FAP: variants seen among roughly 807,000 people sequenced by gnomAD.
FAP encodes prolyl endopeptidase FAP.
A neutral mutation model predicts 126.5 loss-of-function variants in FAP; 110 were observed. That is an observed-to-expected ratio of 0.87 (90% CI 0.74 to 1.02). The LOEUF is 1.02. Among genes scored for constraint, FAP ranks in the 50% least tolerant of loss-of-function variants. The probability of loss-of-function intolerance (pLI) is 0.00; values close to 1 mark genes in which losing one functional copy is unlikely to be tolerated. For missense variants in FAP, 919 were observed against 909.2 expected (o/e 1.01, Z -0.14); for synonymous variants, 334 against 297.3 (o/e 1.12, Z -1.27).
chr2:162,188,438 G>A, intron 19 of FAP, 75 bp from the exon 20 acceptor site: 1 of 1,253,670 alleles, frequency 8.0e-7, no homozygotes, highest in Non-Finnish European at 1.1e-6. Flanking sequence ...GCCAAGCATT[G>A]CTTCTAGTAA....
At chr2:162,175,435 C>A (rs1264802592) in intron 21 of FAP, 1 of 152,524 alleles carries the variant, frequency 6.6e-6, no homozygotes, top group Non-Finnish European at 1.5e-5. Flanking sequence ...TTTGTATTTA[C>A]TTATTTATTT....
chr2:162,188,729 GGT>G (rs1052366315), intron 19 of FAP, among the ~76,000 whole-genome samples: 1 of 151,788 alleles, frequency 6.6e-6, no homozygotes, highest in Non-Finnish European at 1.5e-5. Context: ...ACTGATTTTG[GGT>G]GTGATTCCAC....
Position 162,198,886 on chromosome 2 carries a change from A to G in FAP, c.1278-5T>C. 6.2e-7 allele frequency: 1 copy of G among 1,613,298 alleles called. No homozygotes were observed. The highest frequency in any genetic ancestry group is 8.5e-7 in the Non-Finnish European group (1 of 1,179,354). Reference sequence around the variant, plus strand: ...GGATAGCTTCCAATGCTAATTCTAGAGGGAAATGAAAATAAAACTAAGCTG... The same window carrying G: ...GGATAGCTTCCAATGCTAATTCTAGGGGGAAATGAAAATAAAACTAAGCTG... On this transcript the variant is annotated splice_polypyrimidine_tract_variant and splice_region_variant and intron_variant, in intron 15 of 25. Coordinates refer to ENST00000188790, the MANE Select transcript of FAP (RefSeq NM_004460.5).
intron 21 of FAP, among the ~76,000 whole-genome samples, chr2:162,178,771 G>A (rs937205293): frequency 1.3e-5 from 2 of 152,208 alleles, no homozygotes; most frequent in Non-Finnish European, 2.9e-5. Context: ...TGGGTGCGAT[G>A]TATTTCCCAA....
chr2:162,197,154 C>T (rs1280894863), intron 16 of FAP, among the ~76,000 whole-genome samples: 1 of 152,160 alleles, frequency 6.6e-6, no homozygotes, highest in Admixed American at 6.5e-5. Context: ...GCAAATGCAT[C>T]AGCATAAAAC....
At chr2:162,199,667 CA>C (rs11296349) in intron 15 of FAP, among the ~76,000 whole-genome samples, 10,084 of 152,306 alleles carry the variant, frequency 0.066, 1,128 homozygotes, top group African/African-American at 0.23. Flanking sequence ...TCTCCTGTGC[CA>C]ACCTGTGAGT....
At chr2:162,227,759 T>A (rs966308580) in intron 2 of FAP, among the ~76,000 whole-genome samples, 6 of 152,150 alleles carry the variant, frequency 3.9e-5, no homozygotes, top group African/African-American at 7.2e-5. Context: ...CTTGCTCCTC[T>A]CTCATTACTT....
chr2:162,187,420 T>G (rs1687900520), intron 20 of FAP, among the ~76,000 whole-genome samples: 1 of 152,060 alleles, frequency 6.6e-6, no homozygotes, highest in Non-Finnish European at 1.5e-5. Context: ...ATTCTTAGCT[T>G]CACCTATTCA....
In FAP at chr2:162,170,958, A is replaced by G. The variant is rs769463920; in HGVS notation, c.*21T>C. The G allele has an allele frequency of 6.3e-7, 1 of 1,580,338 alleles. No individual in the cohort carries two copies. The highest frequency in any genetic ancestry group is 2.2e-5 in the East Asian group (1 of 44,686). ...ATATAAGGTTTTCAGATTCTGATAC[A>G]GGCTTGCATCTGCATCGTTTTTAGT... is the stretch of plus-strand genomic sequence containing the variant. On this transcript the variant is annotated 3_prime_UTR_variant, in exon 26 of 26. Coordinates refer to ENST00000188790, the MANE Select transcript of FAP (RefSeq NM_004460.5).
chr2:162,204,375 C>G (rs181116146), intron 12 of FAP, among the ~76,000 whole-genome samples: 2 of 152,156 alleles, frequency 1.3e-5, no homozygotes, highest in African/African-American at 4.8e-5. Flanking sequence ...TTCATGTCCA[C>G]GTGGAGCCAC....
Position 162,188,232 on chromosome 2 carries a change from A to G in FAP, c.1751T>C (p.Leu584Pro), listed in dbSNP as rs200963309. 2 of 1,613,314 alleles carry G rather than the reference A, an allele frequency of 1.2e-6. No homozygotes were observed. The highest frequency in any genetic ancestry group is 1.7e-4 in the Middle Eastern group (1 of 6,060). Residue 584 changes from leucine (L) to proline (P), a missense_variant, in exon 20 of 26, where the codon CTC (leucine) becomes CCC (proline). By Grantham distance (98) the Leu-to-Pro change is moderately conservative (BLOSUM62 -3). Coordinates refer to ENST00000188790, the MANE Select transcript of FAP (RefSeq NM_004460.5). ...GRGTAFQGDK[L>P]LYAVYRKLGV... ...CAGCTTTCGATACACTGCATAGAGG[A>G]GTTTGTCACCTTGGAAAGCTGTTCC...
chr2:162,171,614 T>C (rs1180141826), intron 25 of FAP: 2 of 153,788 alleles, frequency 1.3e-5, no homozygotes, highest in Non-Finnish European at 2.9e-5. Flanking sequence ...GATAGTATTT[T>C]AACTTTAAAC....
At chr2:162,196,414 C>A (rs1184151500) in intron 16 of FAP, among the ~76,000 whole-genome samples, 1 of 151,492 alleles carries the variant, frequency 6.6e-6, no homozygotes, top group Non-Finnish European at 1.5e-5. Flanking sequence ...AGCCAGCATG[C>A]AAAGAAATGA....
At chr2:162,196,907 G>A (rs970899479) in intron 16 of FAP, among the ~76,000 whole-genome samples, 13 of 152,164 alleles carry the variant, frequency 8.5e-5, no homozygotes, top group African/African-American at 2.7e-4. Context: ...GTGAGTGGTG[G>A]AAAAGTCAGG....
At chr2:162,219,966 T>A (rs763175397) in intron 6 of FAP, 41 bp from the exon 7 acceptor site, 1 of 1,358,018 alleles carries the variant, frequency 7.4e-7, no homozygotes, top group South Asian at 1.2e-5. Flanking sequence ...AACCTTGCTG[T>A]TTAATGCAAA....
rs779549490 is a variant in FAP at position 162,209,984 on chromosome 2, T to C, written c.1015A>G (p.Ile339Val). 6.2e-7 allele frequency: 1 copy of C among 1,612,974 alleles called. No homozygotes were observed. ...TWDCPKTQEHIEESRTGWAGG... is the reference protein window; with the variant it reads ...TWDCPKTQEHVEESRTGWAGG... ...GCCCATCCAGTTCTGCTTTCTTCTA[T>C]ATGCTCCTGGGTCTAAAAGACAAAA... The change falls in exon 12 of 26, where the codon ATA (isoleucine) becomes GTA (valine). Residue 339 changes from isoleucine to valine, a missense_variant. By Grantham distance (29) the Ile-to-Val change is conservative. Transcript: ENST00000188790.
intron 2 of FAP, among the ~76,000 whole-genome samples, chr2:162,234,890 C>T (rs1464769738): frequency 6.6e-6 from 1 of 152,062 alleles, no homozygotes; most frequent in Non-Finnish European, 1.5e-5. Context: ...CGGGCTGCAC[C>T]CCACGCTTGC....
At chr2:162,234,058 A>T (rs1467430869) in intron 2 of FAP, among the ~76,000 whole-genome samples, 1 of 152,200 alleles carries the variant, frequency 6.6e-6, no homozygotes, top group Non-Finnish European at 1.5e-5. Context: ...TATTCCATTG[A>T]TCTATATATC....
At chr2:162,222,894 A>G (rs1216583015) in intron 6 of FAP, among the ~76,000 whole-genome samples, 1 of 152,108 alleles carries the variant, frequency 6.6e-6, no homozygotes, top group African/African-American at 2.4e-5. Flanking sequence ...GCATTTCTCA[A>G]ACGCACAATG....
Sources: allele counts gnomAD v4.1 joint callset (sites outside exome capture counted in the v4.1 genomes callset), GRCh38; gene constraint gnomAD v4.1.1; transcripts MANE v1.5; gene names NCBI Gene and HGNC (gene_info 2026-07-23, HGNC 2026-07-21).